Variants in PACRG observed in about 807,000 individuals in gnomAD.
PACRG encodes parkin coregulated.
A neutral mutation model predicts 29.7 loss-of-function variants in PACRG; 29 were observed. That is an observed-to-expected ratio of 0.98 (90% confidence interval 0.73 to 1.33). The LOEUF (loss-of-function observed/expected upper bound fraction) is 1.33. Ranked by LOEUF, PACRG falls within the 40% of genes most tolerant of loss-of-function variation. The pLI is 0.00. For synonymous variants in PACRG, 116 were observed against 118.7 expected (o/e 0.98, Z 0.15); for missense variants, 279 against 316.2 (o/e 0.88, Z 0.89).
chr6:162,858,348 C>T (rs532667892), intron 2 of PACRG, among the ~76,000 whole-genome samples: 3 of 152,154 alleles, frequency 2.0e-5, no homozygotes, highest in East Asian at 1.9e-4. Flanking sequence ...AGAACTCACT[C>T]GCTATTATGA....
At position 163,290,278 on chromosome 6, in the gene PACRG, G is replaced by GCGCACACACA. The variant is rs1554242204; in HGVS notation, c.614-24548_614-24547insGCACACACAC. ...CATGTGCGCATGCACGCGCGCGCGC[G>GCGCACACACA]CACACACACACACACACACACACAC... On this transcript the variant is annotated intron_variant, in intron 4 of 4. Coordinates refer to ENST00000366888, the MANE Select transcript of PACRG (RefSeq NM_001080379.2). 1.4e-3 allele frequency among the ~76,000 whole-genome samples: 158 copies of GCGCACACACA among 114,542 alleles called. 1 individual carries two copies. The highest frequency in any genetic ancestry group is 8.9e-3 in the Admixed American group (105 of 11,840). 75.1% of individuals were successfully genotyped at this position (114,542 alleles called of 152,430 possible). A position where few individuals can be genotyped will look rare whatever the true frequency, so the allele number is the denominator to read the frequency against.
intron 1 of PACRG, among the ~76,000 whole-genome samples, chr6:162,784,430 G>A (rs1191611900): frequency 6.6e-6 from 1 of 152,192 alleles, no homozygotes; most frequent in Admixed American, 6.5e-5. Context: ...ATGGAAAGAT[G>A]ACATTCAAGG....
rs576510242 is a variant in PACRG at position 162,901,667 on chromosome 6, A to T, written c.291+87386A>T. Among the ~76,000 whole-genome samples the T allele has an allele frequency of 7.9e-5, 12 of 152,330 alleles. No individual in the cohort carries two copies. The South Asian group carries it at 2.5e-3, about 32-fold the overall frequency. On this transcript the variant is annotated intron_variant, in intron 2 of 4. Transcript: ENST00000366888. Reference sequence around the variant, plus strand: ...CCGCCTTTGCTCAGGGAGTCTTTAAAGTGCTTATTCTAGAATTTCCTGGAG... The same window carrying T: ...CCGCCTTTGCTCAGGGAGTCTTTAATGTGCTTATTCTAGAATTTCCTGGAG...
chr6:163,315,406 A>G lies in PACRG; in HGVS notation c.*419A>G, dbSNP rs2128195544. On this transcript the variant is annotated 3_prime_UTR_variant, in exon 5 of 5. Transcript: ENST00000366888. ...GCTGACTGCTTACTAGGTGTTTGTCATGGAAGAGAAGCATGGGTTCAGCAG... is the reference window on the plus strand; with the variant it reads ...GCTGACTGCTTACTAGGTGTTTGTCGTGGAAGAGAAGCATGGGTTCAGCAG... 6.4e-6 allele frequency: 1 copy of G among 156,622 alleles called. No homozygotes were observed. 9.7% of individuals were successfully genotyped at this position (156,622 alleles called of 1,614,324 possible). A position where few individuals can be genotyped will look rare whatever the true frequency, so the allele number is the denominator to read the frequency against.
intron 4 of PACRG, chr6:163,095,567 AG>A (rs1814499604): frequency 2.0e-6 from 1 of 500,372 alleles, no homozygotes; most frequent in African/African-American, 2.2e-5. Context: ...CTCTCACTGC[AG>A]GCTCCGGGGA....
chr6:163,180,261 G>C (rs58970598), intron 4 of PACRG, among the ~76,000 whole-genome samples: 2,192 of 152,256 alleles, frequency 0.014, 56 homozygotes, highest in African/African-American at 0.05. Context: ...GTCCCTCACC[G>C]AGCTGATCCT....
At chr6:163,090,373 T>C (rs998631917) in intron 4 of PACRG, 1 of 152,220 alleles carries the variant, frequency 6.6e-6, no homozygotes, top group Non-Finnish European at 1.5e-5. Context: ...ATATGTTAAA[T>C]ACTATACATA....
At chr6:162,961,852 G>A (rs575639615) in intron 2 of PACRG, among the ~76,000 whole-genome samples, 1 of 152,278 alleles carries the variant, frequency 6.6e-6, no homozygotes, top group Non-Finnish European at 1.5e-5. Flanking sequence ...AAATGCTTTA[G>A]TGATTCTTCC....
chr6:162,757,756 A>C (rs1782041573), intron 1 of PACRG, among the ~76,000 whole-genome samples: 1 of 152,134 alleles, frequency 6.6e-6, no homozygotes, highest in African/African-American at 2.4e-5. Flanking sequence ...TGGTTGCTAC[A>C]CATGCATGAG....
At chr6:163,275,567 C>A (rs1447359527) in intron 4 of PACRG, among the ~76,000 whole-genome samples, 3 of 152,162 alleles carry the variant, frequency 2.0e-5, no homozygotes, top group Non-Finnish European at 4.4e-5. Context: ...TCTAAAATTT[C>A]TGACATATTT....
intron 2 of PACRG, among the ~76,000 whole-genome samples, chr6:163,050,340 G>T (rs564945112): frequency 2.0e-5 from 3 of 152,070 alleles, no homozygotes; most frequent in Admixed American, 2.0e-4. Flanking sequence ...TCTCTTTCAA[G>T]GCAGAGATAT....
intron 4 of PACRG, among the ~76,000 whole-genome samples, chr6:163,249,327 A>G (rs1378919492): frequency 3.9e-5 from 6 of 152,162 alleles, no homozygotes. Context: ...TACATTTTCA[A>G]ACATAGAAAT....
intron 4 of PACRG, among the ~76,000 whole-genome samples, chr6:163,104,797 C>A (rs1289948665): frequency 6.6e-6 from 1 of 152,170 alleles, no homozygotes; most frequent in African/African-American, 2.4e-5. Flanking sequence ...CCCAACAATT[C>A]TCCCAAATAT....
chr6:162,860,121 A>G (rs370027464), intron 2 of PACRG, among the ~76,000 whole-genome samples: 15 of 152,266 alleles, frequency 9.9e-5, no homozygotes, highest in African/African-American at 3.6e-4. Flanking sequence ...TTTTATACAG[A>G]TATTTTCTTA....
intron 4 of PACRG, among the ~76,000 whole-genome samples, chr6:163,275,041 G>C (rs141596578): frequency 0.011 from 1,680 of 151,150 alleles, 33 homozygotes; most frequent in African/African-American, 0.039. Context: ...TTTGTTTTTT[G>C]TTTTGTCTTT....
At chr6:163,251,155 A>C (rs1309539113) in intron 4 of PACRG, among the ~76,000 whole-genome samples, 1 of 152,020 alleles carries the variant, frequency 6.6e-6, no homozygotes, top group South Asian at 2.1e-4. Flanking sequence ...TGTTGGGTGC[A>C]GTGTATACTG....
At chr6:162,727,664 A>G (rs1779350904), upstream of PACRG, 4 of 1,584,394 alleles carry the variant, frequency 2.5e-6, no homozygotes, top group East Asian at 2.3e-5. Context: ...CCACGTACCT[A>G]TCATGGTCAC....
chr6:162,782,319 GTAGA>G (rs1368091363), intron 1 of PACRG, among the ~76,000 whole-genome samples: 2 of 151,822 alleles, frequency 1.3e-5, no homozygotes, highest in African/African-American at 2.4e-5. Context: ...GATGGAACAA[GTAGA>G]TAGAAACTTA....
chr6:163,111,976 A>G, intron 4 of PACRG: 1 of 832,586 alleles, frequency 1.2e-6, no homozygotes, highest in Non-Finnish European at 1.4e-6. Context: ...TTTTACACCC[A>G]AATTTTATTT....
Sources: gnomAD v4.1 joint callset for allele counts (sites outside exome capture counted in the v4.1 genomes callset) on GRCh38, gnomAD v4.1.1 for gene constraint, MANE v1.5 for transcripts, NCBI Gene and HGNC (gene_info 2026-07-23, HGNC 2026-07-21) for gene names.